DNAAF9: variants seen among roughly 807,000 people sequenced by gnomAD.
DNAAF9 encodes the protein shulin.
In DNAAF9, 90 loss-of-function variants were observed where a neutral mutation model predicts 167.0. The ratio of observed to expected loss-of-function variants is 0.54; its 90% CI spans 0.45 to 0.64. The LOEUF is 0.64. Ranked by LOEUF, DNAAF9 falls within the 30% of genes least tolerant of loss-of-function variation. The pLI is 0.00. For synonymous variants in DNAAF9, 491 were observed against 508.8 expected (o/e 0.96, Z 0.47); for missense variants, 1,315 against 1,442.2 (o/e 0.91, Z 1.43).
chr20:3,292,196 C>T (rs955779762), intron 25 of DNAAF9, among the ~76,000 whole-genome samples: 11 of 152,144 alleles, frequency 7.2e-5, no homozygotes, highest in African/African-American at 2.6e-4. Flanking sequence ...GGCGCGGTTT[C>T]ACCTTGTTGG....
intron 9 of DNAAF9, among the ~76,000 whole-genome samples, chr20:3,342,383 T>C (rs1162129890): frequency 6.6e-6 from 1 of 152,230 alleles, no homozygotes; most frequent in Non-Finnish European, 1.5e-5. Context: ...CAGATTTCTT[T>C]GTTAAGATGT....
chr20:3,260,007 A>T lies in DNAAF9; in HGVS notation c.2895T>A (p.Ala965=). Residue 965 remains alanine, a synonymous_variant, in exon 32 of 37, where the codon GCT becomes GCA. Coordinates refer to ENST00000252032, the MANE Select transcript of DNAAF9 (RefSeq NM_001009984.3). The part of the protein sequence containing the change: ...YPGWYEGKLN[A]GSVYPLMVQI... Reference sequence around the variant, plus strand: ...GAACCATTAGGGGATAGACTGATCCAGCATTCAATTTACCTTCATACCTTA... The same window carrying T: ...GAACCATTAGGGGATAGACTGATCCTGCATTCAATTTACCTTCATACCTTA... 6.2e-7 allele frequency: 1 copy of T among 1,610,528 alleles called. No homozygotes were observed. The highest frequency in any genetic ancestry group is 1.1e-5 in the South Asian group (1 of 91,004).
chr20:3,295,500 G>A, intron 23 of DNAAF9: 5 of 253,940 alleles, frequency 2.0e-5, no homozygotes, highest in South Asian at 4.3e-5. Flanking sequence ...TTTTAAAGAA[G>A]CCCAAACACA....
At chr20:3,297,992 A>AG (rs1555788931) in intron 22 of DNAAF9, 37 bp downstream of exon 22, 2 of 1,545,846 alleles carry the variant, frequency 1.3e-6, no homozygotes, top group Non-Finnish European at 1.8e-6. Context: ...GGGAAAAAAA[A>AG]GTAGTAGTAG....
At chr20:3,327,892 G>A (rs2069741205) in intron 12 of DNAAF9, among the ~76,000 whole-genome samples, 1 of 152,200 alleles carries the variant, frequency 6.6e-6, no homozygotes, top group South Asian at 2.1e-4. Context: ...CAAGGGCAGG[G>A]CAGAGGGTAT....
At chr20:3,373,899 TTTTCCA>T in intron 6 of DNAAF9, 143 bp downstream of exon 6, 1 of 586,806 alleles carries the variant, frequency 1.7e-6, no homozygotes, top group Non-Finnish European at 3.1e-6. Flanking sequence ...GCAGCAACTA[TTTTCCA>T]TTTCAAGTCT....
intron 1 of DNAAF9, among the ~76,000 whole-genome samples, chr20:3,388,439 A>C (rs989173235): frequency 3.3e-5 from 5 of 152,220 alleles, no homozygotes; most frequent in Non-Finnish European, 7.3e-5. Context: ...TGAAAAAGAT[A>C]CCTAGAAATT....
At chr20:3,311,800 G>A (rs1344432048) in intron 20 of DNAAF9, among the ~76,000 whole-genome samples, 2 of 152,158 alleles carry the variant, frequency 1.3e-5, no homozygotes, top group African/African-American at 2.4e-5. Flanking sequence ...CTGAGGATTA[G>A]GTACTGGGCA....
In DNAAF9 at chr20:3,315,054, G is replaced by A. The variant is rs765997519; in HGVS notation, c.1657C>T (p.Leu553=). The A allele has an allele frequency of 2.5e-6, 4 of 1,608,798 alleles. No individual in the cohort carries two copies. The highest frequency in any genetic ancestry group is 1.7e-4 in the Middle Eastern group (1 of 6,046). Residue 553 remains leucine, a synonymous_variant, in exon 20 of 37, where the codon CTA becomes TTA. Transcript: ENST00000252032. This position sits in a 1 kb window ranked among gnomAD's most constrained non-coding sequence, Gnocchi z 4.1. The part of the protein sequence containing the change: ...GEGAYLYSSN[L]QSWPEEGNVH... ...TTACCTTCCTCAGGCCAGGACTGTA[G>A]ATTGCTGGAATAAAGATATGCTCCT...
rs773926462 is a variant in DNAAF9, at chr20:3,296,924, T to C, written c.1955A>G (p.Asp652Gly). ...SEVFSLWKQQDNSGISLKVIQ... is the reference protein window; with the variant it reads ...SEVFSLWKQQGNSGISLKVIQ... ...CACTTTTAAAGAGATCCCTGAGTTA[T>C]CCTGCTGTTTCCAGAGGGAGAAGAC... Residue 652 changes from aspartate (D) to glycine (G), a missense_variant, in exon 23 of 37, where the codon GAT (aspartate) becomes GGT (glycine). Around this residue, in one of 2 missense-constraint regions of DNAAF9, gnomAD observed 981 missense variants for 1,012.5 expected, o/e 0.97. Transcript: ENST00000252032. 2.9e-5 allele frequency: 46 copies of C among 1,609,606 alleles called. No homozygotes were observed. The highest frequency in any genetic ancestry group is 3.7e-5 in the Non-Finnish European group (44 of 1,176,050).
At chr20:3,337,818 T>C (rs1002158832) in intron 10 of DNAAF9, among the ~76,000 whole-genome samples, 11 of 151,982 alleles carry the variant, frequency 7.2e-5, no homozygotes, top group Non-Finnish European at 1.5e-4. Context: ...CACTCACTCA[T>C]CTACATGCTG....
chr20:3,403,935 C>T lies in DNAAF9; in HGVS notation c.83+3540G>A, dbSNP rs565576695. Among the ~76,000 whole-genome samples the T allele has an allele frequency of 2.6e-5, 4 of 152,128 alleles. No homozygotes were observed. In the South Asian group the frequency reaches 8.3e-4, roughly 32 times the overall value. On this transcript the variant is annotated intron_variant, in intron 1 of 36. Transcript: ENST00000252032. ...TTCCGAGTAGCTGACCTACAGGTGACTGGCTTCATTTTCTCTTGAACCCAC... is the reference window on the plus strand; with the variant it reads ...TTCCGAGTAGCTGACCTACAGGTGATTGGCTTCATTTTCTCTTGAACCCAC...
chr20:3,375,027 C>T lies in DNAAF9; in HGVS notation c.505+3G>A, dbSNP rs1397016956. The T allele has an allele frequency of 1.3e-6, 2 of 1,531,772 alleles. No homozygotes were observed. Among genetic ancestry groups the T allele is most frequent in the Non-Finnish European group, 1.8e-6 (2 of 1,105,526 alleles). 94.9% of individuals were successfully genotyped at this position (1,531,772 alleles called of 1,614,324 possible). The stretch of plus-strand genomic sequence containing the variant: ...TCTAGAAGGCTTGCTGTCAGATACT[C>T]ACCTTGGGAGCTGTAAGGAATGCCA... On this transcript the variant is annotated splice_donor_region_variant and intron_variant, in intron 5 of 36. Coordinates refer to ENST00000252032, the MANE Select transcript of DNAAF9 (RefSeq NM_001009984.3).
At chr20:3,319,813 A>C (rs1425150841) in intron 16 of DNAAF9, among the ~76,000 whole-genome samples, 1 of 152,208 alleles carries the variant, frequency 6.6e-6, no homozygotes, top group Admixed American at 6.5e-5. Flanking sequence ...AAAAGAGACA[A>C]GTAGGCGTCT....
At chr20:3,322,517 G>C in intron 15 of DNAAF9, 135 bp downstream of exon 15, 2 of 812,092 alleles carry the variant, frequency 2.5e-6, no homozygotes, top group Non-Finnish European at 4.3e-6. Context: ...AGCACAGCCA[G>C]CCCAAGCCCA....
At chr20:3,308,094 G>A (rs1461349947) in intron 20 of DNAAF9, among the ~76,000 whole-genome samples, 3 of 151,918 alleles carry the variant, frequency 2.0e-5, no homozygotes, top group African/African-American at 7.3e-5. Flanking sequence ...CTTCCTCAAT[G>A]AGAGCCCTTC....
intron 6 of DNAAF9, among the ~76,000 whole-genome samples, chr20:3,364,746 A>T (rs184455594): frequency 1.1e-4 from 16 of 152,280 alleles, no homozygotes; most frequent in African/African-American, 3.4e-4. Context: ...AAAAAATGCG[A>T]ACAATCAACT....
At chr20:3,368,599 G>T (rs146172075) in intron 6 of DNAAF9, among the ~76,000 whole-genome samples, 1 of 147,898 alleles carries the variant, frequency 6.8e-6, no homozygotes, top group African/African-American at 2.5e-5. Context: ...TGAAAGCTCC[G>T]CCACCCAGGT....
chr20:3,353,462 T>C (rs1375492959), intron 7 of DNAAF9, among the ~76,000 whole-genome samples: 2 of 151,996 alleles, frequency 1.3e-5, no homozygotes, highest in African/African-American at 2.4e-5. Flanking sequence ...CCTGTCTCTA[T>C]TTAAAAAACA....
Sources: allele counts gnomAD v4.1 joint callset (sites outside exome capture counted in the v4.1 genomes callset), GRCh38; gene constraint gnomAD v4.1.1; regional missense constraint gnomAD v4.1.1; non-coding constraint Gnocchi (gnomAD v3.1); transcripts MANE v1.5; gene names NCBI Gene and HGNC (gene_info 2026-07-23, HGNC 2026-07-21).